Variants in PARD3B observed in about 807,000 individuals in gnomAD.
The protein encoded by PARD3B is par-3 family cell polarity regulator beta, also known as partitioning defective 3 homolog B.
Under a neutral mutation model 130.2 loss-of-function variants are expected in PARD3B, and 103 were observed. That is an observed-to-expected ratio of 0.79 (90% CI 0.67 to 0.93). The LOEUF is 0.93. Ranked by LOEUF, PARD3B falls within the 40% of genes least tolerant of loss-of-function variation. PARD3B has a pLI of 0.00. For synonymous variants in PARD3B, 583 were observed against 553.2 expected (o/e 1.05, Z -0.76); for missense variants, 1,609 against 1,499.2 (o/e 1.07, Z -1.21).
intron 2 of PARD3B, among the ~76,000 whole-genome samples, chr2:204,714,769 A>G (rs976432686): frequency 3.3e-5 from 5 of 152,184 alleles, no homozygotes; most frequent in African/African-American, 1.2e-4. Context: ...ATTTACAAAC[A>G]CACCCAGAAT....
chr2:205,368,556 C>G (rs2044693184), intron 18 of PARD3B, among the ~76,000 whole-genome samples: 1 of 152,090 alleles, frequency 6.6e-6, no homozygotes, highest in Admixed American at 6.5e-5. Context: ...TGCTTGAACC[C>G]AGGAGGCAGC....
intron 22 of PARD3B, among the ~76,000 whole-genome samples, chr2:205,596,197 G>A (rs1007976790): frequency 6.6e-6 from 1 of 152,196 alleles, no homozygotes; most frequent in Non-Finnish European, 1.5e-5. Flanking sequence ...ATCAGCCAGA[G>A]TAAGAAGAGA....
intron 2 of PARD3B, among the ~76,000 whole-genome samples, chr2:204,725,615 T>G (rs185767517): frequency 8.1e-4 from 123 of 152,320 alleles, no homozygotes; most frequent in African/African-American, 2.4e-3. Context: ...AAGTCTAAGA[T>G]ATCTACTTTA....
At chr2:204,766,338 C>G (rs1052662220) in intron 2 of PARD3B, among the ~76,000 whole-genome samples, 1 of 152,108 alleles carries the variant, frequency 6.6e-6, no homozygotes, top group African/African-American at 2.4e-5. Context: ...ATTATAAAAA[C>G]AGTAACTACC....
chr2:205,535,297 G>T (rs560547559), intron 21 of PARD3B, among the ~76,000 whole-genome samples: 1 of 152,276 alleles, frequency 6.6e-6, no homozygotes, highest in African/African-American at 2.4e-5. Flanking sequence ...GTTGGCCCCA[G>T]TCAATAGGTA....
At chr2:204,873,284 G>A (rs2045704371) in intron 2 of PARD3B, among the ~76,000 whole-genome samples, 2 of 152,168 alleles carry the variant, frequency 1.3e-5, no homozygotes, top group Admixed American at 1.3e-4. Flanking sequence ...AAGAGGACGT[G>A]AATGCCATTC....
At position 205,182,583 on chromosome 2, in the gene PARD3B, A is replaced by C. The variant is rs1197720329; in HGVS notation, c.1925-3181A>C. 2.6e-5 allele frequency among the ~76,000 whole-genome samples: 4 copies of C among 152,212 alleles called. No individual in the cohort carries two copies. In the East Asian group the frequency reaches 7.7e-4, roughly 29 times the overall value. ...TAGTAAAAGAAATAGACATAGATAA[A>C]TAGATAATAGCTTGATAGAACAATA... On this transcript the variant is annotated intron_variant, in intron 13 of 22. Transcript: ENST00000406610.
chr2:205,279,087 A>AAAAC lies in PARD3B; in HGVS notation c.2186-21440_2186-21439insCAAA, dbSNP rs2041085168. 1.0e-4 allele frequency among the ~76,000 whole-genome samples: 15 copies of AAAAC among 150,534 alleles called. 2 individuals are homozygous for AAAAC. The South Asian group carries it at 3.2e-3, about 32-fold the overall frequency. On this transcript the variant is annotated intron_variant, in intron 16 of 22. Coordinates refer to ENST00000406610, the MANE Select transcript of PARD3B (RefSeq NM_001302769.2). ...ATCTGTCTCAAAAAAAAAAAAAAAA[A>AAAAC]AAAAAAAAACAGTTGTTCATTGCCC... is the stretch of plus-strand genomic sequence containing the variant.
intron 16 of PARD3B, among the ~76,000 whole-genome samples, chr2:205,254,086 A>AT (rs1362462404): frequency 7.8e-6 from 1 of 127,874 alleles, no homozygotes; most frequent in Non-Finnish European, 1.6e-5. Context: ...TTGTAGAGAA[A>AT]TTAAAAAAAA....
chr2:204,821,874 T>C (rs1424987124), intron 2 of PARD3B, among the ~76,000 whole-genome samples: 2 of 152,132 alleles, frequency 1.3e-5, no homozygotes, highest in African/African-American at 4.8e-5. Flanking sequence ...TAAACCTCTT[T>C]TTCTTCCCAG....
chr2:204,920,169 A>G (rs775386730), intron 2 of PARD3B, among the ~76,000 whole-genome samples: 6 of 152,200 alleles, frequency 3.9e-5, no homozygotes, highest in African/African-American at 7.2e-5. Flanking sequence ...TTAAGGTTCA[A>G]CAAAGCCTTC....
chr2:205,046,783 A>AT (rs1223688414), intron 3 of PARD3B, among the ~76,000 whole-genome samples: 8 of 152,072 alleles, frequency 5.3e-5, no homozygotes, highest in Non-Finnish European at 5.9e-5. Context: ...CCACAAGCAG[A>AT]TTTTTTTTGA....
At chr2:204,836,011 T>A (rs1355185354) in intron 2 of PARD3B, among the ~76,000 whole-genome samples, 1 of 152,232 alleles carries the variant, frequency 6.6e-6, no homozygotes, top group Non-Finnish European at 1.5e-5. Flanking sequence ...AAAAAAATTG[T>A]TAAAAACTAT....
intron 1 of PARD3B, among the ~76,000 whole-genome samples, chr2:204,629,377 G>A (rs775627772): frequency 7.9e-5 from 12 of 152,026 alleles, no homozygotes; most frequent in East Asian, 1.9e-4. Flanking sequence ...GAACTTTCAC[G>A]TTTTCTGTCC....
intron 16 of PARD3B, among the ~76,000 whole-genome samples, chr2:205,295,958 C>A (rs987634269): frequency 2.6e-5 from 4 of 151,934 alleles, no homozygotes; most frequent in Admixed American, 6.5e-5. Context: ...GAGTTGTTTC[C>A]CTTTTTGAAT....
intron 2 of PARD3B, among the ~76,000 whole-genome samples, chr2:204,820,574 G>C (rs548410077): frequency 9.2e-5 from 14 of 152,048 alleles, no homozygotes; most frequent in African/African-American, 2.7e-4. Flanking sequence ...CAGCACTTTG[G>C]GGGGCTGAGG....
At chr2:205,435,171 A>AT (rs1327824012) in intron 19 of PARD3B, among the ~76,000 whole-genome samples, 4 of 152,046 alleles carry the variant, frequency 2.6e-5, no homozygotes, top group East Asian at 1.9e-4. Context: ...CCACTTAGGA[A>AT]TTTTTTGTGT....
intron 2 of PARD3B, among the ~76,000 whole-genome samples, chr2:204,880,760 C>T (rs1278421408): frequency 1.3e-5 from 2 of 151,522 alleles, no homozygotes; most frequent in Admixed American, 1.3e-4. Context: ...ATGACTTTTG[C>T]ATGGACAGGA....
Position 205,222,125 on chromosome 2 carries a change from A to G in PARD3B, c.2141-23653A>G, listed in dbSNP as rs551649884. Among the ~76,000 whole-genome samples the G allele has an allele frequency of 3.9e-5, 6 of 152,110 alleles. No homozygotes were observed. In the East Asian group the frequency reaches 1.2e-3, roughly 29 times the overall value. ...TAAAAGTTGAAAAAAAAATCCCAGT[A>G]ATTTTCTCATGAAAAATACCCAGAA... On this transcript the variant is annotated intron_variant, in intron 15 of 22. Transcript: ENST00000406610.
Sources: gnomAD v4.1 joint callset for allele counts (sites outside exome capture counted in the v4.1 genomes callset) on GRCh38, gnomAD v4.1.1 for gene constraint, MANE v1.5 for transcripts, NCBI Gene and HGNC (gene_info 2026-07-23, HGNC 2026-07-21) for gene names.